Variants in LVRN observed in about 807,000 individuals in gnomAD.
LVRN encodes the protein laeverin.
A neutral mutation model predicts 111.4 loss-of-function variants in LVRN; 99 were observed. The ratio of observed to expected loss-of-function variants is 0.89; its 90% confidence interval spans 0.76 to 1.05. The LOEUF is 1.05. Ranked by LOEUF, LVRN falls within the 50% of genes least tolerant of loss-of-function variation. LVRN has a pLI of 0.00. For synonymous variants in LVRN, 488 were observed against 449.5 expected, an observed-to-expected ratio of 1.09 and a Z score of -1.08; for missense variants, 1,414 against 1,206.8, an observed-to-expected ratio of 1.17 and a Z score of -2.54.
intron 1 of LVRN, among the ~76,000 whole-genome samples, chr5:115,971,586 G>T (rs1219158445): frequency 6.6e-6 from 1 of 152,006 alleles, no homozygotes; most frequent in Admixed American, 6.5e-5. Context: ...TATCTGTACT[G>T]AATTGTGTCT....
intron 4 of LVRN, among the ~76,000 whole-genome samples, chr5:115,991,081 G>A (rs1334359160): frequency 6.6e-6 from 1 of 152,048 alleles, no homozygotes; most frequent in Admixed American, 6.6e-5. Context: ...TTAGGGTTCA[G>A]TTTTTGCATT....
intron 15 of LVRN, 124 bp from the exon 16 acceptor site, chr5:116,014,296 A>G (rs1233933226): frequency 1.4e-6 from 1 of 701,892 alleles, no homozygotes; most frequent in African/African-American, 1.8e-5. Flanking sequence ...TTTAAAACAA[A>G]CCTGATGTCA....
intron 1 of LVRN, among the ~76,000 whole-genome samples, chr5:115,971,412 A>C (rs1753323280): frequency 6.6e-6 from 1 of 152,136 alleles, no homozygotes; most frequent in Non-Finnish European, 1.5e-5. Context: ...TGTCTATCCT[A>C]AGCTCATAAA....
At position 115,963,172 on chromosome 5, in the gene LVRN, G is replaced by A. The variant is rs776210510; in HGVS notation, c.555G>A (p.Thr185=). ...ACGACGTGTGGTTCGCGCTGGACAC[G>A]GAATACATGGTGCTGGAGCTCAGTG... is the stretch of plus-strand genomic sequence containing the variant. The part of the protein sequence containing the change: ...PVDDVWFALD[T]EYMVLELSEP... Residue 185 remains threonine (T), a synonymous_variant, in exon 1 of 20, where the codon ACG becomes ACA. Coordinates refer to ENST00000357872, the MANE Select transcript of LVRN (RefSeq NM_173800.5). 6.2e-6 allele frequency: 10 copies of A among 1,612,842 alleles called. No homozygotes were observed. In the African/African-American group the frequency reaches 8.0e-5, roughly 13 times the overall value.
At position 116,010,763 on chromosome 5, in the gene LVRN, A is replaced by G; in HGVS notation, c.2116A>G (p.Thr706Ala). 2 of 1,601,912 alleles carry G rather than the reference A, an allele frequency of 1.2e-6. No individual in the cohort carries two copies. The highest frequency in any genetic ancestry group is 1.7e-6 in the Non-Finnish European group (2 of 1,175,662). ...CAGAAACAATTATATTGAGATTGAAACAGCACTTGAGTTAACCAAGTACCT... is the reference window on the plus strand; with the variant it reads ...CAGAAACAATTATATTGAGATTGAAGCAGCACTTGAGTTAACCAAGTACCT... ...LSKNNYIEIETALELTKYLAE... is the reference protein window; with the variant it reads ...LSKNNYIEIEAALELTKYLAE... The change falls in exon 14 of 20, where the codon ACA (threonine) becomes GCA (alanine). Residue 706 changes from threonine (T) to alanine (A), a missense_variant. Transcript: ENST00000357872.
intron 2 of LVRN, 33 bp downstream of exon 2, chr5:115,983,462 C>G (rs761141357): frequency 1.3e-6 from 2 of 1,562,532 alleles, no homozygotes; most frequent in African/African-American, 1.4e-5. Flanking sequence ...ATCTAGCTGT[C>G]TATCTATATA....
At position 116,026,863 on chromosome 5, in the gene LVRN, A is replaced by G. The variant is rs1425012767; in HGVS notation, c.*745A>G. 2.0e-5 allele frequency: 3 copies of G among 152,284 alleles called. No homozygotes were observed. The highest frequency in any genetic ancestry group is 4.4e-5 in the Non-Finnish European group (3 of 68,106). The allele number at this position is 152,284 out of a possible 1,614,324, so 9.4% of individuals were successfully genotyped here. A position where few individuals can be genotyped will look rare whatever the true frequency, so the allele number is the denominator to read the frequency against. ...ATGAAGGCTCTGCTCTGAAGCTCTT[A>G]ATTGTGTATTCACCAGTGGGATGGA... is the stretch of plus-strand genomic sequence containing the variant. On this transcript the variant is annotated 3_prime_UTR_variant, in exon 20 of 20. Coordinates refer to ENST00000357872, the MANE Select transcript of LVRN (RefSeq NM_173800.5).
intron 1 of LVRN, among the ~76,000 whole-genome samples, chr5:115,965,406 C>T (rs1396071428): frequency 6.6e-6 from 1 of 152,104 alleles, no homozygotes; most frequent in East Asian, 1.9e-4. Context: ...AACTATTATA[C>T]ACTTAAAAAT....
At chr5:115,997,365 G>T (rs1257174913) in intron 6 of LVRN, among the ~76,000 whole-genome samples, 1 of 152,050 alleles carries the variant, frequency 6.6e-6, no homozygotes, top group African/African-American at 2.4e-5. Context: ...TATTTCTAAG[G>T]ATAAGAGTAG....
chr5:115,976,559 A>T (rs932843586), intron 1 of LVRN, among the ~76,000 whole-genome samples: 1 of 152,160 alleles, frequency 6.6e-6, no homozygotes, highest in Non-Finnish European at 1.5e-5. Flanking sequence ...TTTCTCATAT[A>T]GGCATTTAAT....
intron 1 of LVRN, among the ~76,000 whole-genome samples, chr5:115,967,136 T>G (rs1753220509): frequency 6.6e-6 from 1 of 152,218 alleles, no homozygotes. Flanking sequence ...ATAAAAGTTT[T>G]AAATAAAAGT....
At chr5:116,021,288 T>G (rs1384559229) in intron 18 of LVRN, 1 of 152,462 alleles carries the variant, frequency 6.6e-6, no homozygotes, top group East Asian at 1.9e-4. Context: ...ATAGGTAGGT[T>G]TCCTCTGTTT....
intron 13 of LVRN, among the ~76,000 whole-genome samples, chr5:116,006,845 C>A (rs1433068897): frequency 6.6e-6 from 1 of 152,186 alleles, no homozygotes; most frequent in Admixed American, 6.5e-5. Context: ...TTAGGTTTAT[C>A]CTGTGGTCAT....
chr5:116,023,118 G>C (rs1387726773), intron 19 of LVRN, among the ~76,000 whole-genome samples: 1 of 152,058 alleles, frequency 6.6e-6, no homozygotes, highest in Non-Finnish European at 1.5e-5. Flanking sequence ...CCTATTCTAG[G>C]AACTTTTTAA....
intron 1 of LVRN, among the ~76,000 whole-genome samples, chr5:115,971,258 C>G (rs1472233144): frequency 7.3e-6 from 1 of 137,296 alleles, no homozygotes; most frequent in African/African-American, 2.8e-5. Flanking sequence ...ACATGATTTG[C>G]AAATAATTTT....
At chr5:115,975,004 A>T (rs1265547790) in intron 1 of LVRN, 1 of 363,256 alleles carries the variant, frequency 2.8e-6, no homozygotes, top group Admixed American at 3.5e-5. Context: ...GTGAAATAAG[A>T]TCTAGAAAAC....
At chr5:116,016,406 A>G (rs1460018042) in intron 18 of LVRN, among the ~76,000 whole-genome samples, 1 of 152,240 alleles carries the variant, frequency 6.6e-6, no homozygotes, top group Non-Finnish European at 1.5e-5. Flanking sequence ...TAAAATTATA[A>G]GTAAAAAATC....
chr5:116,011,705 G>A (rs1403745465), intron 14 of LVRN, among the ~76,000 whole-genome samples: 1 of 152,180 alleles, frequency 6.6e-6, no homozygotes, highest in Non-Finnish European at 1.5e-5. Flanking sequence ...ATTAATAAAA[G>A]AAGGCACTAA....
intron 19 of LVRN, among the ~76,000 whole-genome samples, chr5:116,025,346 A>C (rs907464044): frequency 6.6e-6 from 1 of 152,224 alleles, no homozygotes; most frequent in Admixed American, 6.5e-5. Flanking sequence ...TCGGAGTTCT[A>C]ATCCACTGAT....
Sources: allele counts gnomAD v4.1 joint callset (sites outside exome capture counted in the v4.1 genomes callset), GRCh38; gene constraint gnomAD v4.1.1; transcripts MANE v1.5; gene names NCBI Gene and HGNC (gene_info 2026-07-23, HGNC 2026-07-21).